The following PXDNL variants were observed in gnomAD, a reference collection of about 807,000 sequenced individuals.
PXDNL encodes the protein peroxidasin like.
In PXDNL, 145 loss-of-function variants were observed where a neutral mutation model predicts 150.8. The ratio of observed to expected loss-of-function variants is 0.96; its 90% CI spans 0.84 to 1.10. The LOEUF is 1.10. Among genes scored for constraint, PXDNL ranks in the 50% least tolerant of loss-of-function variants. The pLI, the probability that PXDNL is intolerant of heterozygous loss-of-function variation, is 0.00. For missense variants in PXDNL, 2,087 were observed against 1,873.9 expected, an observed-to-expected ratio of 1.11 and a Z score of -2.10; for synonymous variants, 757 against 725.7, an observed-to-expected ratio of 1.04 and a Z score of -0.69.
chr8:51,389,801 T>C (rs1807836202), intron 17 of PXDNL, among the ~76,000 whole-genome samples: 1 of 152,202 alleles, frequency 6.6e-6, no homozygotes, highest in African/African-American at 2.4e-5. Flanking sequence ...CTGAACTTAT[T>C]ATTTGCCAAG....
rs371581345 is a variant in PXDNL at position 51,408,687 on chromosome 8, G to A, written c.2937C>T (p.Asn979=). 2 of 1,596,104 alleles carry A rather than the reference G, an allele frequency of 1.3e-6. No homozygotes were observed. The highest frequency in any genetic ancestry group is 1.3e-5 in the African/African-American group (1 of 74,610). The part of the protein sequence containing the change: ...AMHTLWFREH[N]RMATELSALN... ...GGGCGGACAGCTCCGTGGCCATCCT[G>A]TTGTGTTCCCGGAACCACAGGGTGT... The change falls in exon 17 of 23, where the codon AAC becomes AAT. Residue 979 remains asparagine (N), a synonymous_variant. Transcript: ENST00000356297.
rs2037707310 is a variant in PXDNL, at chr8:51,809,078, C to G, written c.164+103G>C. ...GAAAAGCCTCTTCTAAGTATACAAG[C>G]AGGGAGAGCATTAGGAATCGTAAAT... On this transcript the variant is annotated intron_variant, in intron 1 of 22. Transcript: ENST00000356297. 3 of 1,207,114 alleles carry G rather than the reference C, an allele frequency of 2.5e-6. No individual in the cohort carries two copies. In the Admixed American group the frequency reaches 6.7e-5, roughly 27 times the overall value. The allele number at this position is 1,207,114 out of a possible 1,614,324, so 74.8% of individuals were successfully genotyped here. A position where few individuals can be genotyped will look rare whatever the true frequency, so the allele number is the denominator to read the frequency against.
At chr8:51,646,125 C>T (rs1027471053) in intron 2 of PXDNL, among the ~76,000 whole-genome samples, 1 of 152,064 alleles carries the variant, frequency 6.6e-6, no homozygotes, top group Non-Finnish European at 1.5e-5. Flanking sequence ...CAGGTAGGGC[C>T]CCTCAAGAAG....
At chr8:51,797,906 A>T (rs2037578840) in intron 1 of PXDNL, among the ~76,000 whole-genome samples, 1 of 152,234 alleles carries the variant, frequency 6.6e-6, no homozygotes, top group South Asian at 2.1e-4. Flanking sequence ...TGGAGGCATC[A>T]TGCTACCTGA....
intron 2 of PXDNL, among the ~76,000 whole-genome samples, chr8:51,604,393 G>T (rs539564653): frequency 1.3e-5 from 2 of 151,896 alleles, no homozygotes; most frequent in African/African-American, 4.8e-5. Context: ...GCAAACTATC[G>T]CAAGGACAAA....
intron 3 of PXDNL, among the ~76,000 whole-genome samples, chr8:51,566,880 A>G (rs1395724698): frequency 6.6e-6 from 1 of 151,046 alleles, no homozygotes; most frequent in Non-Finnish European, 1.5e-5. Flanking sequence ...GGAAGTCTAG[A>G]TTATTGATTT....
chr8:51,541,300 A>G (rs1812212755), intron 4 of PXDNL, among the ~76,000 whole-genome samples: 1 of 151,542 alleles, frequency 6.6e-6, no homozygotes, highest in Non-Finnish European at 1.5e-5. Context: ...ACACAGTTAC[A>G]TTTCTTGGGA....
At chr8:51,432,681 AAC>A (rs1201376940) in intron 12 of PXDNL, among the ~76,000 whole-genome samples, 1 of 152,212 alleles carries the variant, frequency 6.6e-6, no homozygotes, top group Non-Finnish European at 1.5e-5. Context: ...TAGAACGAAA[AAC>A]AGTTTTTACT....
chr8:51,696,333 C>T (rs1816123881), intron 1 of PXDNL, among the ~76,000 whole-genome samples: 1 of 152,218 alleles, frequency 6.6e-6, no homozygotes, highest in Non-Finnish European at 1.5e-5. Flanking sequence ...AGGCCCAGAT[C>T]TCTTGCTCTG....
chr8:51,735,826 G>A (rs1286732886), intron 1 of PXDNL, among the ~76,000 whole-genome samples: 2 of 152,002 alleles, frequency 1.3e-5, no homozygotes, highest in Non-Finnish European at 2.9e-5. Flanking sequence ...GATTACAGGC[G>A]TGAGCCACCG....
chr8:51,738,549 C>A (rs1405181612), intron 1 of PXDNL, among the ~76,000 whole-genome samples: 1 of 151,798 alleles, frequency 6.6e-6, no homozygotes, highest in Non-Finnish European at 1.5e-5. Flanking sequence ...CTTAGCTAAA[C>A]TGGAAACACA....
At chr8:51,708,235 T>C (rs778821519) in intron 1 of PXDNL, among the ~76,000 whole-genome samples, 10 of 152,210 alleles carry the variant, frequency 6.6e-5, no homozygotes, top group Non-Finnish European at 1.5e-4. Flanking sequence ...TTGATCGTGA[T>C]TCACCTGGAA....
intron 4 of PXDNL, among the ~76,000 whole-genome samples, chr8:51,513,577 A>G (rs1811471182): frequency 6.6e-6 from 1 of 152,278 alleles, no homozygotes; most frequent in African/African-American, 2.4e-5. Context: ...AAAGTTACAG[A>G]AAAATTAGCA....
At chr8:51,452,935 AACAC>A (rs146990384) in intron 10 of PXDNL, among the ~76,000 whole-genome samples, 2 of 142,566 alleles carry the variant, frequency 1.4e-5, no homozygotes, top group African/African-American at 2.7e-5. Flanking sequence ...CACACACACA[AACAC>A]ACACACACAC....
chr8:51,518,154 G>C (rs922871681), intron 4 of PXDNL, among the ~76,000 whole-genome samples: 1 of 152,130 alleles, frequency 6.6e-6, no homozygotes, highest in Non-Finnish European at 1.5e-5. Context: ...CAAATAAAAA[G>C]GAAATGGCTA....
At chr8:51,724,038 T>C (rs876150) in intron 1 of PXDNL, among the ~76,000 whole-genome samples, 145,273 of 149,296 alleles carry the variant, frequency 0.97, 70,771 homozygotes, top group East Asian at 1. Flanking sequence ...GAGGGAGGCA[T>C]GGAGCGGAAC....
intron 1 of PXDNL, among the ~76,000 whole-genome samples, chr8:51,657,316 CA>C (rs1267244404): frequency 6.6e-6 from 1 of 152,132 alleles, no homozygotes; most frequent in African/African-American, 2.4e-5. Flanking sequence ...AATATATAGG[CA>C]AATTTAAAAT....
chr8:51,390,535 A>G (rs1807859939), intron 17 of PXDNL, among the ~76,000 whole-genome samples: 1 of 152,184 alleles, frequency 6.6e-6, no homozygotes, highest in South Asian at 2.1e-4. Context: ...ATAATTTATA[A>G]AGCCTTTAAA....
intron 19 of PXDNL, among the ~76,000 whole-genome samples, chr8:51,350,925 C>A (rs1405802429): frequency 6.6e-6 from 1 of 152,048 alleles, no homozygotes; most frequent in Non-Finnish European, 1.5e-5. Flanking sequence ...GTATTAATAG[C>A]AAAGTGGCTT....
Sources: gnomAD v4.1 joint callset for allele counts (sites outside exome capture counted in the v4.1 genomes callset) on GRCh38, gnomAD v4.1.1 for gene constraint, MANE v1.5 for transcripts, NCBI Gene and HGNC (gene_info 2026-07-23, HGNC 2026-07-21) for gene names.